PTH2R: variants seen among roughly 807,000 people sequenced by gnomAD.
PTH2R encodes the protein parathyroid hormone 2 receptor, also known as PTH2 receptor.
A neutral mutation model predicts 60.3 loss-of-function variants in PTH2R; 59 were observed. The observed-to-expected ratio is 0.98, with a 90% CI of 0.79 to 1.22. PTH2R has a LOEUF of 1.22. Ranked by LOEUF, PTH2R falls within the 50% of genes most tolerant of loss-of-function variation. The probability of loss-of-function intolerance (pLI) is 0.00; values close to 1 mark genes in which losing one functional copy is unlikely to be tolerated. For missense variants in PTH2R, 749 were observed against 682.6 expected (o/e 1.10, Z -1.08); for synonymous variants, 256 against 243.8 (o/e 1.05, Z -0.47).
intron 1 of PTH2R, among the ~76,000 whole-genome samples, chr2:208,414,672 A>C (rs1233347349): frequency 6.6e-6 from 1 of 152,160 alleles, no homozygotes; most frequent in Admixed American, 6.5e-5. Flanking sequence ...AAAATGGACA[A>C]ACTATGGTCT....
At chr2:208,397,331 C>A (rs1233571907) in intron 1 of PTH2R, among the ~76,000 whole-genome samples, 1 of 151,814 alleles carries the variant, frequency 6.6e-6, no homozygotes, top group Non-Finnish European at 1.5e-5. Context: ...CCAAGAGCAC[C>A]TTGGAATGAC....
rs563860665 is a variant in PTH2R, at chr2:208,377,821, C to T, written c.-259+17584C>T. Among the ~76,000 whole-genome samples, 410 of 151,424 alleles carry T rather than the reference C, an allele frequency of 2.7e-3. 2 individuals are homozygous for T. Among genetic ancestry groups the T allele is most frequent in the African/African-American group, 9.1e-3 (373 of 41,046 alleles). Reference sequence around the variant, plus strand: ...TCCCGCATCTCAGACGATGGGCGGCCGGGCAGAGACGCTCCTCACTTCCTA... The same window carrying T: ...TCCCGCATCTCAGACGATGGGCGGCTGGGCAGAGACGCTCCTCACTTCCTA... On this transcript the variant is annotated intron_variant, in intron 1 of 12. Coordinates refer to the PTH2R transcript ENST00000617735.
intron 4 of PTH2R, among the ~76,000 whole-genome samples, chr2:208,439,099 G>T (rs1383259005): frequency 6.6e-6 from 1 of 152,028 alleles, no homozygotes; most frequent in Non-Finnish European, 1.5e-5. Flanking sequence ...CTTCATTTTT[G>T]CATTACATGA....
chr2:208,444,975 A>T (rs1432072093), intron 7 of PTH2R, 88 bp downstream of exon 7: 13 of 1,346,398 alleles, frequency 9.7e-6, no homozygotes, highest in Non-Finnish European at 1.3e-5. Context: ...CCCTACAGCC[A>T]TTTTCCTGAA....
intron 1 of PTH2R, among the ~76,000 whole-genome samples, chr2:208,364,186 T>C (rs1223625653): frequency 6.6e-6 from 1 of 152,238 alleles, no homozygotes; most frequent in Non-Finnish European, 1.5e-5. Context: ...GCCTTTTCAC[T>C]ATTGTGTCCT....
upstream of PTH2R, chr2:208,406,688 C>G (rs1701415576): frequency 5.1e-6 from 1 of 195,758 alleles, no homozygotes; most frequent in African/African-American, 2.3e-5. Context: ...CCAGTGACTT[C>G]GAGGAGGAGC....
At chr2:208,408,766 A>AGAGAGAG (rs58836876) in intron 1 of PTH2R, among the ~76,000 whole-genome samples, 1,441 of 109,468 alleles carry the variant, frequency 0.013, 25 homozygotes, top group African/African-American at 0.065. Context: ...GAGAGAGAGA[A>AGAGAGAG]ATAAATAATA....
At chr2:208,370,908 G>T (rs1453069210) in intron 1 of PTH2R, among the ~76,000 whole-genome samples, 1 of 152,052 alleles carries the variant, frequency 6.6e-6, no homozygotes, top group Non-Finnish European at 1.5e-5. Context: ...CCTGGTGAGG[G>T]CTTCAGGGAG....
chr2:208,383,813 A>G (rs145694985), intron 1 of PTH2R, among the ~76,000 whole-genome samples: 12 of 152,314 alleles, frequency 7.9e-5, no homozygotes, highest in Middle Eastern at 3.4e-3. Context: ...GTATCATCGC[A>G]AAACCACAGT....
rs781693841 is a variant in PTH2R, at chr2:208,437,575, T to C, written c.217T>C (p.Trp73Arg). Residue 73 changes from tryptophan to arginine, a missense_variant, in exon 3 of 13, where the codon TGG (tryptophan) becomes CGG (arginine). By Grantham distance (101) the Trp-to-Arg change is moderately radical (BLOSUM62 -3). Transcript: ENST00000272847. ...CCCTGAATGGGATGGACTCATTTGTTGGCCCAGAGGAACAGTGGGGAAAAT... is the reference window on the plus strand; with the variant it reads ...CCCTGAATGGGATGGACTCATTTGTCGGCCCAGAGGAACAGTGGGGAAAAT... ...CFPEWDGLIC[W>R]PRGTVGKISA... The C allele has an allele frequency of 4.8e-5, 77 of 1,613,526 alleles. No individual in the cohort carries two copies. The highest frequency in any genetic ancestry group is 6.5e-5 in the Non-Finnish European group (77 of 1,179,822).
At chr2:208,479,985 C>G (rs1348579873) in intron 9 of PTH2R, among the ~76,000 whole-genome samples, 1 of 152,162 alleles carries the variant, frequency 6.6e-6, no homozygotes, top group Non-Finnish European at 1.5e-5. Context: ...TTGATTTTCC[C>G]CCATGTGTGG....
intron 1 of PTH2R, among the ~76,000 whole-genome samples, chr2:208,362,155 C>T (rs1020004773): frequency 1.3e-5 from 2 of 152,196 alleles, no homozygotes; most frequent in African/African-American, 4.8e-5. Context: ...GAAGTTATAC[C>T]AGTGGCTTCC....
intron 9 of PTH2R, among the ~76,000 whole-genome samples, chr2:208,471,260 G>A (rs1256553388): frequency 6.6e-6 from 1 of 152,250 alleles, no homozygotes; most frequent in African/African-American, 2.4e-5. Context: ...GGAGTCAAAT[G>A]TTAATCCCCA....
intron 1 of PTH2R, among the ~76,000 whole-genome samples, chr2:208,373,929 A>C (rs1176101976): frequency 1.3e-5 from 2 of 152,106 alleles, no homozygotes; most frequent in Admixed American, 1.3e-4. Context: ...CTGGCACTAA[A>C]AGCTTTTTAC....
At chr2:208,443,843 C>T (rs1387596024) in intron 6 of PTH2R, among the ~76,000 whole-genome samples, 1 of 152,118 alleles carries the variant, frequency 6.6e-6, no homozygotes, top group African/African-American at 2.4e-5. Context: ...TCACCACTTT[C>T]GAAAGTAAAA....
intron 10 of PTH2R, among the ~76,000 whole-genome samples, chr2:208,483,074 A>AG (rs911416097): frequency 3.2e-4 from 48 of 149,692 alleles, no homozygotes; most frequent in East Asian, 9.6e-4. Context: ...CAATAGTTTC[A>AG]GGGGGGGTCC....
chr2:208,493,754 A>G lies in PTH2R; in HGVS notation c.*95A>G. On this transcript the variant is annotated 3_prime_UTR_variant, in exon 13 of 13. Coordinates refer to ENST00000272847, the MANE Select transcript of PTH2R (RefSeq NM_005048.4). ...TCCTATGCTTGAGTTCAAAGGCTGA[A>G]AATTCAGTTAAGGTGTTACTTAATA... The G allele has an allele frequency of 7.4e-7, 1 of 1,356,774 alleles. No homozygotes were observed. The highest frequency in any genetic ancestry group is 9.9e-7 in the Non-Finnish European group (1 of 1,014,706). 84.0% of individuals were successfully genotyped at this position (1,356,774 alleles called of 1,614,324 possible).
At chr2:208,475,520 C>G (rs997090772) in intron 9 of PTH2R, among the ~76,000 whole-genome samples, 3 of 152,080 alleles carry the variant, frequency 2.0e-5, no homozygotes, top group Non-Finnish European at 4.4e-5. Flanking sequence ...GCAGTAGTTC[C>G]TTTTCTGGCA....
chr2:208,393,895 G>A (rs1701155251), intron 1 of PTH2R, among the ~76,000 whole-genome samples: 1 of 152,166 alleles, frequency 6.6e-6, no homozygotes, highest in Non-Finnish European at 1.5e-5. Flanking sequence ...TACTGGAGCT[G>A]GTAGAGCTGG....
Sources: gnomAD v4.1 joint callset for allele counts (sites outside exome capture counted in the v4.1 genomes callset) on GRCh38, gnomAD v4.1.1 for gene constraint, MANE v1.5 for transcripts, NCBI Gene and HGNC (gene_info 2026-07-23, HGNC 2026-07-21) for gene names.